EPHA6: variants seen among roughly 807,000 people sequenced by gnomAD.
The protein encoded by EPHA6 is ephrin type-A receptor 6.
Under a neutral mutation model 112.0 loss-of-function variants are expected in EPHA6, and 50 were observed. The observed-to-expected ratio is 0.45, with a 90% CI of 0.36 to 0.56. The LOEUF (loss-of-function observed/expected upper bound fraction) is 0.56, where lower values mean the gene tolerates loss of function less well. EPHA6 is among the 20% of genes least tolerant of loss of function. The pLI, the probability that EPHA6 is intolerant of heterozygous loss-of-function variation, is 0.00. For missense variants in EPHA6, 1,280 were observed against 1,417.4 expected (o/e 0.90, Z 1.56); for synonymous variants, 529 against 490.7 (o/e 1.08, Z -1.03).
chr3:97,254,079 GT>G (rs1170573013), intron 5 of EPHA6, among the ~76,000 whole-genome samples: 2 of 151,482 alleles, frequency 1.3e-5, no homozygotes, highest in African/African-American at 2.4e-5. Context: ...TTATCTGCTG[GT>G]TTTTTTTAGC....
chr3:97,392,850 T>C (rs2086491955), intron 5 of EPHA6, among the ~76,000 whole-genome samples: 1 of 151,738 alleles, frequency 6.6e-6, no homozygotes, highest in African/African-American at 2.4e-5. Context: ...ACTTGGAACA[T>C]GTTGCAAACT....
intron 13 of EPHA6, among the ~76,000 whole-genome samples, chr3:97,637,329 C>CT (rs1310252164): frequency 6.6e-6 from 1 of 152,062 alleles, no homozygotes; most frequent in Non-Finnish European, 1.5e-5. Flanking sequence ...TTTGCTTGTG[C>CT]TTTTTTTCAT....
chr3:97,460,556 AT>A (rs1366477353), intron 7 of EPHA6, among the ~76,000 whole-genome samples: 1 of 152,180 alleles, frequency 6.6e-6, no homozygotes, highest in Non-Finnish European at 1.5e-5. Context: ...TGTTGCCTAG[AT>A]TTCCCCTTCA....
intron 1 of EPHA6, among the ~76,000 whole-genome samples, chr3:96,827,627 A>G (rs1293162281): frequency 6.6e-6 from 1 of 152,164 alleles, no homozygotes; most frequent in Non-Finnish European, 1.5e-5. Context: ...TATGAATTTA[A>G]ATTCAAGACA....
chr3:97,572,713 C>A (rs2107233924), intron 11 of EPHA6: 1 of 152,202 alleles, frequency 6.6e-6, no homozygotes, highest in African/African-American at 2.4e-5. Context: ...TCAGAAGAGA[C>A]CAACTTTCCT....
intron 5 of EPHA6, among the ~76,000 whole-genome samples, chr3:97,391,339 A>G (rs1247337330): frequency 1.3e-5 from 2 of 151,974 alleles, no homozygotes; most frequent in Non-Finnish European, 2.9e-5. Context: ...ATGTGTTTGT[A>G]TGGCACCATA....
chr3:97,067,428 T>C (rs1180288103), intron 3 of EPHA6, among the ~76,000 whole-genome samples: 1 of 151,940 alleles, frequency 6.6e-6, no homozygotes, highest in Non-Finnish European at 1.5e-5. Flanking sequence ...AAGATTGTAA[T>C]TGAAACGTGA....
At chr3:96,978,588 A>T (rs2042625323) in intron 2 of EPHA6, among the ~76,000 whole-genome samples, 1 of 152,162 alleles carries the variant, frequency 6.6e-6, no homozygotes, top group Admixed American at 6.6e-5. Context: ...GAATAAGATG[A>T]AATTTACCAA....
intron 11 of EPHA6, among the ~76,000 whole-genome samples, chr3:97,572,068 A>G (rs1477811243): frequency 1.3e-5 from 2 of 152,054 alleles, no homozygotes; most frequent in Non-Finnish European, 2.9e-5. Context: ...TTATCTATCT[A>G]AAGTAGAAGT....
At chr3:96,829,938 T>TGCGCGCGCGC (rs368535487) in intron 1 of EPHA6, among the ~76,000 whole-genome samples, 152 of 120,246 alleles carry the variant, frequency 1.3e-3, no homozygotes, top group African/African-American at 4.2e-3. Flanking sequence ...CACGTGCATG[T>TGCGCGCGCGC]GCGCGCGCGC....
intron 3 of EPHA6, among the ~76,000 whole-genome samples, chr3:97,014,479 G>A (rs2044200469): frequency 6.7e-6 from 1 of 149,552 alleles, no homozygotes; most frequent in Non-Finnish European, 1.5e-5. Context: ...TTTCTGTTAT[G>A]GCATAAATAT....
At chr3:97,581,736 G>A (rs1475186372) in intron 11 of EPHA6, among the ~76,000 whole-genome samples, 1 of 152,226 alleles carries the variant, frequency 6.6e-6, no homozygotes, top group Non-Finnish European at 1.5e-5. Flanking sequence ...AAGTTTTGAA[G>A]CTGGATCCCT....
intron 5 of EPHA6, 46 bp downstream of exon 5, chr3:97,244,333 T>C (rs1313734855): frequency 6.5e-7 from 1 of 1,535,278 alleles, no homozygotes; most frequent in Non-Finnish European, 9.0e-7. Flanking sequence ...TAATTTCTTT[T>C]GATGCATAAA....
chr3:97,038,561 A>G (rs1206818193), intron 3 of EPHA6, among the ~76,000 whole-genome samples: 2 of 152,046 alleles, frequency 1.3e-5, no homozygotes, highest in South Asian at 2.1e-4. Context: ...TCATTCACTG[A>G]TAGGCAATGA....
intron 3 of EPHA6, among the ~76,000 whole-genome samples, chr3:97,023,834 T>C (rs1227470472): frequency 6.6e-6 from 1 of 152,180 alleles, no homozygotes; most frequent in Non-Finnish European, 1.5e-5. Flanking sequence ...TCCGTAAGAT[T>C]AGCGGAATGA....
chr3:97,199,468 G>A (rs1269685159), intron 3 of EPHA6, among the ~76,000 whole-genome samples: 2 of 152,106 alleles, frequency 1.3e-5, no homozygotes, highest in African/African-American at 2.4e-5. Flanking sequence ...AACAACCAGG[G>A]CATCAGTAGT....
chr3:97,070,312 T>G (rs139160012), intron 3 of EPHA6, among the ~76,000 whole-genome samples: 2 of 152,278 alleles, frequency 1.3e-5, no homozygotes, highest in Non-Finnish European at 2.9e-5. Context: ...GATTAATGAA[T>G]GACCAAAATA....
At chr3:97,569,127 C>T (rs2093304657) in intron 11 of EPHA6, among the ~76,000 whole-genome samples, 1 of 152,134 alleles carries the variant, frequency 6.6e-6, no homozygotes, top group East Asian at 1.9e-4. Flanking sequence ...TGGGAGCCTA[C>T]TAAAGTTCTG....
chr3:97,607,347 A>T (rs1049466069), intron 12 of EPHA6, among the ~76,000 whole-genome samples: 4 of 151,164 alleles, frequency 2.6e-5, no homozygotes, highest in Non-Finnish European at 4.5e-5. Context: ...CAAAATCATC[A>T]TAAGTATTAG....
Sources: gnomAD v4.1 joint callset for allele counts (sites outside exome capture counted in the v4.1 genomes callset) on GRCh38, gnomAD v4.1.1 for gene constraint, MANE v1.5 for transcripts, NCBI Gene and HGNC (gene_info 2026-07-23, HGNC 2026-07-21) for gene names.